The following PCSK5 variants were observed in gnomAD, a reference collection of about 807,000 sequenced individuals.
The protein encoded by PCSK5 is proprotein convertase subtilisin/kexin type 5, also known as prohormone convertase 5.
In PCSK5, 129 loss-of-function variants were observed where a neutral mutation model predicts 233.2. The observed-to-expected ratio is 0.55, with a 90% CI of 0.48 to 0.64. The LOEUF is 0.64. Among genes scored for constraint, PCSK5 ranks in the 30% least tolerant of loss-of-function variants. The pLI, the probability that PCSK5 is intolerant of heterozygous loss-of-function variation, is 0.00. For synonymous variants in PCSK5, 825 were observed against 879.2 expected (o/e 0.94, Z 1.09); for missense variants, 2,076 against 2,430.1 (o/e 0.85, Z 3.06).
rs1237729614 is a variant in PCSK5, at chr9:76,091,707, GC to G, written c.895-4178del. Among the ~76,000 whole-genome samples, 4 of 152,202 alleles carry G rather than the reference GC, an allele frequency of 2.6e-5. No individual in the cohort carries two copies. The East Asian group carries it at 7.8e-4, about 30-fold the overall frequency. On this transcript the variant is annotated intron_variant, in intron 7 of 37. Transcript: ENST00000674117. ...TGGGGGCTCAGGTATGCATTCACCA[GC>G]CCCCTGCCTGCAGGTCCAGCACAGG...
rs757467820 is a variant in PCSK5 at position 76,332,433 on chromosome 9, A to C, written c.4571A>C (p.Asn1524Thr). The C allele has an allele frequency of 1.1e-5, 18 of 1,610,452 alleles. No homozygotes were observed. Among genetic ancestry groups the C allele is most frequent in the Non-Finnish European group, 1.5e-5 (18 of 1,178,678 alleles). ...QTCPMNSLLLNTTCVKDCPEG... is the reference protein window; with the variant it reads ...QTCPMNSLLLTTTCVKDCPEG... ...ATAGACATTTTTTCTCCCATGACAG[A>C]CACAACCTGTGTGAAGGACTGCCCA... Residue 1524 changes from asparagine (N) to threonine (T), a missense_variant and splice_region_variant, in exon 34 of 38, where the codon AAC becomes ACC. Coordinates refer to ENST00000674117, the MANE Select transcript of PCSK5 (RefSeq NM_001372043.1).
chr9:76,318,951 TAAC>T (rs1386356771), intron 30 of PCSK5, among the ~76,000 whole-genome samples: 2 of 152,288 alleles, frequency 1.3e-5, no homozygotes, highest in African/African-American at 4.8e-5. Context: ...ATACACAAAT[TAAC>T]AACAATTGTT....
chr9:76,174,360 G>A (rs1410491023), intron 13 of PCSK5, among the ~76,000 whole-genome samples: 1 of 151,086 alleles, frequency 6.6e-6, no homozygotes, highest in Non-Finnish European at 1.5e-5. Context: ...AGGCTGGAGT[G>A]CAGTGGCGTG....
intron 3 of PCSK5, among the ~76,000 whole-genome samples, chr9:76,004,729 C>G (rs1254431627): frequency 6.6e-6 from 1 of 152,064 alleles, no homozygotes; most frequent in Non-Finnish European, 1.5e-5. Flanking sequence ...GAAATTGGCC[C>G]TAGTTTGATG....
At chr9:76,209,285 T>C (rs768008523) in intron 20 of PCSK5, among the ~76,000 whole-genome samples, 39 of 152,342 alleles carry the variant, frequency 2.6e-4, no homozygotes, top group South Asian at 1.4e-3. Flanking sequence ...ACATTCTACT[T>C]GCAACCTGCG....
intron 12 of PCSK5, among the ~76,000 whole-genome samples, chr9:76,164,965 A>G (rs1332388630): frequency 6.6e-6 from 1 of 151,958 alleles, no homozygotes; most frequent in East Asian, 1.9e-4. Context: ...TTATCATTTT[A>G]GGTATTACAG....
intron 7 of PCSK5, among the ~76,000 whole-genome samples, chr9:76,074,121 A>G (rs1564010583): frequency 6.6e-6 from 1 of 152,196 alleles, no homozygotes; most frequent in Non-Finnish European, 1.5e-5. Flanking sequence ...CTGGGTAACC[A>G]CTGTTAAGAG....
chr9:76,000,374 G>A (rs1418426010), intron 3 of PCSK5, among the ~76,000 whole-genome samples: 1 of 152,172 alleles, frequency 6.6e-6, no homozygotes, highest in Non-Finnish European at 1.5e-5. Context: ...GTGACGGTGT[G>A]TATTTCCATC....
chr9:76,255,720 A>G (rs894014164), intron 24 of PCSK5, among the ~76,000 whole-genome samples: 1 of 152,136 alleles, frequency 6.6e-6, no homozygotes, highest in Admixed American at 6.5e-5. Flanking sequence ...CCATAGTCCC[A>G]GCTACTTAGA....
intron 24 of PCSK5, among the ~76,000 whole-genome samples, chr9:76,266,594 C>T (rs1182802298): frequency 6.6e-6 from 1 of 152,150 alleles, no homozygotes; most frequent in Non-Finnish European, 1.5e-5. Context: ...TGATCAAGCT[C>T]ATCTCTCTTC....
intron 24 of PCSK5, among the ~76,000 whole-genome samples, chr9:76,280,496 C>G (rs146232911): frequency 7.9e-5 from 12 of 152,258 alleles, no homozygotes; most frequent in African/African-American, 2.9e-4. Flanking sequence ...AATCCCAGCA[C>G]TTTGGGAGGC....
At chr9:76,236,127 C>A (rs1826245618) in intron 22 of PCSK5, among the ~76,000 whole-genome samples, 1 of 152,194 alleles carries the variant, frequency 6.6e-6, no homozygotes, top group Non-Finnish European at 1.5e-5. Context: ...TACCAAACTA[C>A]CCAAAGCTAA....
At chr9:76,226,226 A>T (rs1309235963) in intron 20 of PCSK5, among the ~76,000 whole-genome samples, 2 of 152,200 alleles carry the variant, frequency 1.3e-5, no homozygotes, top group African/African-American at 4.8e-5. Flanking sequence ...ATAACCCTAC[A>T]TGAAAGGCTT....
intron 3 of PCSK5, among the ~76,000 whole-genome samples, chr9:76,023,240 G>T (rs1333142169): frequency 6.6e-6 from 1 of 152,190 alleles, no homozygotes; most frequent in Admixed American, 6.5e-5. Context: ...GACAGAGCTG[G>T]TGGCGGAGAG....
intron 28 of PCSK5, among the ~76,000 whole-genome samples, chr9:76,307,523 A>C (rs1448277989): frequency 1.3e-5 from 2 of 152,118 alleles, no homozygotes; most frequent in Non-Finnish European, 2.9e-5. Context: ...CTGTCCTTGA[A>C]ATTGTCCCAT....
intron 1 of PCSK5, among the ~76,000 whole-genome samples, chr9:75,913,941 G>A (rs1164715793): frequency 6.6e-6 from 1 of 152,084 alleles, no homozygotes; most frequent in Non-Finnish European, 1.5e-5. Context: ...GAAACCCTAT[G>A]TTATTCCTGA....
chr9:76,334,549 G>C (rs970159595), intron 34 of PCSK5, among the ~76,000 whole-genome samples: 3 of 152,002 alleles, frequency 2.0e-5, no homozygotes, highest in Non-Finnish European at 4.4e-5. Context: ...TGGCCAACAG[G>C]GTGAAACCCC....
chr9:75,974,650 C>A (rs1047689194), intron 2 of PCSK5, among the ~76,000 whole-genome samples: 1 of 152,094 alleles, frequency 6.6e-6, no homozygotes, highest in Non-Finnish European at 1.5e-5. Flanking sequence ...GGTTACAGTT[C>A]AGGAAAAAGG....
intron 24 of PCSK5, among the ~76,000 whole-genome samples, chr9:76,285,309 T>C (rs1034148124): frequency 3.9e-5 from 6 of 152,110 alleles, no homozygotes; most frequent in African/African-American, 1.4e-4. Flanking sequence ...GTATCCAGGG[T>C]ATGCTAAACT....
Sources: allele counts gnomAD v4.1 joint callset (sites outside exome capture counted in the v4.1 genomes callset), GRCh38; gene constraint gnomAD v4.1.1; transcripts MANE v1.5; gene names NCBI Gene and HGNC (gene_info 2026-07-23, HGNC 2026-07-21).